STARD10: variants seen among roughly 807,000 people sequenced by gnomAD.
STARD10 encodes the protein StAR related lipid transfer domain containing 10.
In STARD10, 24 loss-of-function variants were observed where a neutral mutation model predicts 36.0. The observed-to-expected ratio is 0.67, with a 90% CI of 0.48 to 0.94. STARD10 has a LOEUF of 0.94. Among genes scored for constraint, STARD10 ranks in the 40% least tolerant of loss-of-function variants. The probability of loss-of-function intolerance (pLI) is 0.00; values close to 1 mark genes in which losing one functional copy is unlikely to be tolerated. For synonymous variants in STARD10, 156 were observed against 161.9 expected (o/e 0.96, Z 0.28); for missense variants, 335 against 396.6 (o/e 0.84, Z 1.32).
At chr11:72,773,239 C>T (rs560522083) in intron 2 of STARD10, among the ~76,000 whole-genome samples, 10 of 152,324 alleles carry the variant, frequency 6.6e-5, no homozygotes, top group African/African-American at 2.4e-4. Context: ...AGAAAACACA[C>T]CCCAAAGGGA....
At chr11:72,768,273 TCTC>T (rs1440864838) in intron 2 of STARD10, among the ~76,000 whole-genome samples, 6 of 151,680 alleles carry the variant, frequency 4.0e-5, no homozygotes, top group Non-Finnish European at 8.8e-5. Context: ...TGCTCCTGCT[TCTC>T]CTCCCATGAC....
chr11:72,788,339 C>G (rs921703661), intron 1 of STARD10, among the ~76,000 whole-genome samples: 8 of 152,144 alleles, frequency 5.3e-5, no homozygotes, highest in Non-Finnish European at 1.0e-4. Flanking sequence ...AGAGGGTGTG[C>G]AGAGCCGTGT....
chr11:72,777,210 C>A (rs1165601782), intron 2 of STARD10, among the ~76,000 whole-genome samples: 1 of 152,268 alleles, frequency 6.6e-6, no homozygotes, highest in African/African-American at 2.4e-5. Flanking sequence ...GCCTCTCATG[C>A]GGCCAGCCTC....
At chr11:72,762,123 A>G (rs1858726392) in intron 2 of STARD10, among the ~76,000 whole-genome samples, 1 of 151,266 alleles carries the variant, frequency 6.6e-6, no homozygotes, top group Non-Finnish European at 1.5e-5. Context: ...ACGGGGTTTC[A>G]CCATGTTGGC....
In STARD10 at chr11:72,755,115, G is replaced by A; in HGVS notation, c.658C>T (p.Leu220Phe). 3 of 1,613,398 alleles carry A rather than the reference G, an allele frequency of 1.9e-6. No homozygotes were observed. The highest frequency in any genetic ancestry group is 2.5e-6 in the Non-Finnish European group (3 of 1,179,792). Reference protein sequence around the residue: ...KAMKKMYKACLKYPEWKQKHL... With the variant: ...KAMKKMYKACFKYPEWKQKHL... ...TTCTGTTTCCACTCGGGGTACTTGAGGCACGCCTTGTACATCTTCTTCATG... is the reference window on the plus strand; with the variant it reads ...TTCTGTTTCCACTCGGGGTACTTGAAGCACGCCTTGTACATCTTCTTCATG... Residue 220 changes from leucine to phenylalanine, a missense_variant, in exon 7 of 7, where the codon CTC becomes TTC. Physicochemically the swap from Leu to Phe is conservative, Grantham distance 22. Coordinates refer to ENST00000334805, the MANE Select transcript of STARD10 (RefSeq NM_006645.3).
chr11:72,755,753 C>A lies in STARD10; in HGVS notation c.578G>T (p.Gly193Val), dbSNP rs370159113. The A allele has an allele frequency of 1.2e-6, 2 of 1,611,712 alleles. No homozygotes were observed. Among genetic ancestry groups the A allele is most frequent in the South Asian group, 1.1e-5 (1 of 90,850 alleles). ...ITYLAQVDPKGSLPKWVVNKS... is the reference protein window; with the variant it reads ...ITYLAQVDPKVSLPKWVVNKS... ...ATTCACCACCCACTTGGGTAAGGAGCCTGTGAGGGCAGGGAAGGGAGGAAG... is the reference window on the plus strand; with the variant it reads ...ATTCACCACCCACTTGGGTAAGGAGACTGTGAGGGCAGGGAAGGGAGGAAG... Residue 193 changes from glycine to valine, a missense_variant and splice_region_variant, in exon 6 of 7, where the codon GGC becomes GTC. Physicochemically the swap from Gly to Val is moderately radical, Grantham distance 109. Coordinates refer to ENST00000334805, the MANE Select transcript of STARD10 (RefSeq NM_006645.3).
At chr11:72,784,307 G>A (rs1207042741) in intron 1 of STARD10, among the ~76,000 whole-genome samples, 1 of 152,210 alleles carries the variant, frequency 6.6e-6, no homozygotes, top group African/African-American at 2.4e-5. Flanking sequence ...CAAAGGGCCT[G>A]TGGAGCTGGG....
At position 72,781,836 on chromosome 11, in the gene STARD10, GCTC is replaced by G. The variant is rs1261420107; in HGVS notation, c.-113-545_-113-543del. 3 of 17,462 alleles carry G rather than the reference GCTC, an allele frequency of 1.7e-4. 1 individual carries two copies. The highest frequency in any genetic ancestry group is 5.2e-4 in the African/African-American group (3 of 5,808). 1.1% of individuals were successfully genotyped at this position (17,462 alleles called of 1,614,324 possible). A position where few individuals can be genotyped will look rare whatever the true frequency, so the allele number is the denominator to read the frequency against. ...CGCGCCCCTCCCGGCTAGGCTGGGG[GCTC>G]GGGGGCTCGGGGGCTCGGCGGCCGC... On this transcript the variant is annotated intron_variant, in intron 1 of 6. Transcript: ENST00000334805. This position sits in a 1 kb window ranked among gnomAD's most constrained non-coding sequence, Gnocchi z 4.7.
At position 72,793,366 on chromosome 11, in the gene STARD10, A is replaced by G. The variant is rs933268289; in HGVS notation, c.-605T>C. On this transcript the variant is annotated 5_prime_UTR_variant, in exon 1 of 7. An upstream start codon of the reference 5' UTR is lost. Transcript: ENST00000334805. ...TTGATCCTCCCAACAGCCTGTTTGC[A>G]TTTACAAATGAGAAAGCTCAGTTCC... The G allele has an allele frequency of 2.0e-5, 3 of 152,238 alleles. No individual in the cohort carries two copies. The highest frequency in any genetic ancestry group is 6.5e-5 in the Admixed American group (1 of 15,284). 9.4% of individuals were successfully genotyped at this position (152,238 alleles called of 1,614,324 possible).
At position 72,781,263 on chromosome 11, in the gene STARD10, G is replaced by C; in HGVS notation, c.-82C>G. ...GCGGAGGCTCCGACAACGTCGACGCGGCTGCAGATGCTGACGCCACCTTCC... is the reference window on the plus strand; with the variant it reads ...GCGGAGGCTCCGACAACGTCGACGCCGCTGCAGATGCTGACGCCACCTTCC... On this transcript the variant is annotated 5_prime_UTR_variant, in exon 2 of 7. Coordinates refer to ENST00000334805, the MANE Select transcript of STARD10 (RefSeq NM_006645.3). The surrounding 1 kb of genome is among the most constrained non-coding windows in gnomAD (Gnocchi z 4.7). The C allele has an allele frequency of 1.1e-5, 14 of 1,246,878 alleles. No homozygotes were observed. Among genetic ancestry groups the C allele is most frequent in the Non-Finnish European group, 1.6e-5 (14 of 886,116 alleles). 77.2% of individuals were successfully genotyped at this position (1,246,878 alleles called of 1,614,324 possible).
At chr11:72,774,925 C>G (rs989900928) in intron 2 of STARD10, among the ~76,000 whole-genome samples, 32 of 152,216 alleles carry the variant, frequency 2.1e-4, no homozygotes, top group Admixed American at 1.7e-3. Flanking sequence ...TAAAGACTCT[C>G]GGCTGGAAAC....
At chr11:72,770,556 C>T (rs1858842158) in intron 2 of STARD10, among the ~76,000 whole-genome samples, 2 of 152,148 alleles carry the variant, frequency 1.3e-5, no homozygotes, top group South Asian at 2.1e-4. Flanking sequence ...TTGCCCAGAA[C>T]CCCAACTCCT....
At chr11:72,775,393 G>A (rs1458924737) in intron 2 of STARD10, among the ~76,000 whole-genome samples, 6 of 152,128 alleles carry the variant, frequency 3.9e-5, no homozygotes, top group South Asian at 2.1e-4. Flanking sequence ...GACTCAAGGC[G>A]TGGGGCCTCG....
chr11:72,755,195 T>G, intron 6 of STARD10, 53 bp from the exon 7 acceptor site: 2 of 1,547,372 alleles, frequency 1.3e-6, no homozygotes, highest in Non-Finnish European at 1.7e-6. Flanking sequence ...GCAGGTCTTC[T>G]CCACACCCCC....
chr11:72,767,278 C>G (rs1247967008), intron 2 of STARD10, among the ~76,000 whole-genome samples: 2 of 152,174 alleles, frequency 1.3e-5, no homozygotes, highest in African/African-American at 4.8e-5. Flanking sequence ...GGACCATGGA[C>G]CCCACAGGGG....
At chr11:72,776,665 A>G (rs1397626234) in intron 2 of STARD10, among the ~76,000 whole-genome samples, 1 of 151,952 alleles carries the variant, frequency 6.6e-6, no homozygotes, top group Non-Finnish European at 1.5e-5. Flanking sequence ...CTCAGTTTCC[A>G]CATCTGCTTG....
intron 4 of STARD10, among the ~76,000 whole-genome samples, chr11:72,758,256 C>T (rs1438607643): frequency 6.6e-6 from 1 of 152,204 alleles, no homozygotes; most frequent in African/African-American, 2.4e-5. Context: ...TGCCTCTCAC[C>T]TCTTGTTCCT....
chr11:72,780,928 G>A (rs1413282111), intron 2 of STARD10, 47 bp downstream of exon 2: 1 of 1,585,524 alleles, frequency 6.3e-7, no homozygotes, highest in African/African-American at 1.3e-5. Context: ...CCGGGAGAGA[G>A]GCAGTAAGGG....
chr11:72,788,347 T>C (rs1859100411), intron 1 of STARD10, among the ~76,000 whole-genome samples: 1 of 152,108 alleles, frequency 6.6e-6, no homozygotes, highest in Non-Finnish European at 1.5e-5. Context: ...TGCAGAGCCG[T>C]GTGTGAGTGA....
Sources: gnomAD v4.1 joint callset for allele counts (sites outside exome capture counted in the v4.1 genomes callset) on GRCh38, gnomAD v4.1.1 for gene constraint, Gnocchi (gnomAD v3.1) non-coding constraint, MANE v1.5 for transcripts, NCBI Gene and HGNC (gene_info 2026-07-23, HGNC 2026-07-21) for gene names.